EDEM3: variants seen among roughly 807,000 people sequenced by gnomAD.
EDEM3 encodes the protein ER degradation enhancing alpha-mannosidase like protein 3, also known as ER degradation-enhancing alpha-mannosidase-like protein 3.
In EDEM3, 60 loss-of-function variants were observed where a neutral mutation model predicts 110.2. The ratio of observed to expected loss-of-function variants is 0.54; its 90% CI spans 0.44 to 0.67. The LOEUF (loss-of-function observed/expected upper bound fraction) is 0.67. Among genes scored for constraint, EDEM3 ranks in the 30% least tolerant of loss-of-function variants. EDEM3 has a pLI of 0.00. For synonymous variants in EDEM3, 352 were observed against 382.9 expected, an observed-to-expected ratio of 0.92 and a Z score of 0.94; for missense variants, 996 against 1,121.0, an observed-to-expected ratio of 0.89 and a Z score of 1.59.
intron 19 of EDEM3, among the ~76,000 whole-genome samples, chr1:184,702,539 A>AT (rs970803278): frequency 6.6e-6 from 1 of 152,310 alleles, no homozygotes; most frequent in African/African-American, 2.4e-5. Context: ...AGTCTCTTGT[A>AT]TTTTTATCAC....
Position 184,694,350 on chromosome 1 carries a change from T to C in EDEM3, c.2512A>G (p.Asn838Asp), listed in dbSNP as rs750723792. Residue 838 changes from asparagine to aspartate, a missense_variant, in exon 20 of 20, where the codon AAT becomes GAT. Asn to Asp is a conservative substitution (Grantham distance 23, BLOSUM62 1). Around this residue, in one of 5 missense-constraint regions of EDEM3, gnomAD observed 345 missense variants for 402.0 expected, o/e 0.86. Transcript: ENST00000318130. Reference protein sequence around the residue: ...DLVDQESSEENSLNSHPESLS... With the variant: ...DLVDQESSEEDSLNSHPESLS... ...GATTCTGGGTGAGAATTTAGAGAAT[T>C]TTCCTCAGAAGACTCTTGATCAACC... 1.9e-6 allele frequency: 3 copies of C among 1,612,876 alleles called. No individual in the cohort carries two copies. Among genetic ancestry groups the C allele is most frequent in the Non-Finnish European group, 8.5e-7 (1 of 1,179,552 alleles).
Position 184,694,141 on chromosome 1 carries a change from G to C in EDEM3, c.2721C>G (p.Val907=), listed in dbSNP as rs769855874. 6.2e-7 allele frequency: 1 copy of C among 1,613,314 alleles called. No homozygotes were observed. The highest frequency in any genetic ancestry group is 8.5e-7 in the Non-Finnish European group (1 of 1,179,610). ...CTGCTAATATGGAGTCTATAGGCTGGACCTTTTTACCCCAGCTAACATTAG... is the reference window on the plus strand; with the variant it reads ...CTGCTAATATGGAGTCTATAGGCTGCACCTTTTTACCCCAGCTAACATTAG... ...SNPNVSWGKK[V]QPIDSILADW... is the part of the protein sequence containing the mutation. Residue 907 remains valine, a synonymous_variant, in exon 20 of 20, where the codon GTC becomes GTG. Coordinates refer to ENST00000318130, the MANE Select transcript of EDEM3 (RefSeq NM_025191.4).
intron 19 of EDEM3, among the ~76,000 whole-genome samples, chr1:184,698,934 AAGAT>A (rs762488334): frequency 4.6e-5 from 7 of 151,860 alleles, no homozygotes; most frequent in Non-Finnish European, 1.0e-4. Flanking sequence ...GAACTACAAA[AAGAT>A]AGAAGAGTTA....
intron 18 of EDEM3, among the ~76,000 whole-genome samples, chr1:184,706,189 C>A (rs1649914992): frequency 6.6e-6 from 1 of 152,100 alleles, no homozygotes; most frequent in African/African-American, 2.4e-5. Flanking sequence ...TGAAGCTAGG[C>A]CAAGGTTACA....
intron 16 of EDEM3, 97 bp from the exon 17 acceptor site, chr1:184,708,441 C>T (rs1242205571): frequency 2.4e-6 from 3 of 1,270,866 alleles, no homozygotes; most frequent in East Asian, 2.6e-5. Context: ...TTCTACTCTA[C>T]AACTTCTTCT....
intron 19 of EDEM3, 108 bp downstream of exon 19, chr1:184,702,703 T>C (rs1649687746): frequency 2.7e-6 from 2 of 740,054 alleles, no homozygotes; most frequent in South Asian, 8.4e-5. Flanking sequence ...GTTTTACTTG[T>C]TTTCACAGTG....
rs922153617 is a variant in EDEM3 at position 184,719,684 on chromosome 1, ATAAC to A, written c.952-120_952-117del. The A allele has an allele frequency of 5.2e-5, 50 of 954,116 alleles. No homozygotes were observed. In the African/African-American group the frequency reaches 7.0e-4, roughly 13 times the overall value. 59.1% of individuals were successfully genotyped at this position (954,116 alleles called of 1,614,324 possible). A position where few individuals can be genotyped will look rare whatever the true frequency, so the allele number is the denominator to read the frequency against. On this transcript the variant is annotated intron_variant, in intron 9 of 19. Coordinates refer to ENST00000318130, the MANE Select transcript of EDEM3 (RefSeq NM_025191.4). ...TAGAATTTATATATAAATTCACTAA[ATAAC>A]TACCAATTTATATAAATATTTAAGT...
At chr1:184,749,496 CATA>C (rs1237647750) in intron 2 of EDEM3, 48 bp downstream of exon 2, 1 of 1,336,110 alleles carries the variant, frequency 7.5e-7, no homozygotes, top group Non-Finnish European at 1.0e-6. Flanking sequence ...ACTGTGCTCA[CATA>C]ATAATCAACT....
At chr1:184,742,271 T>C (rs1479691433) in intron 2 of EDEM3, among the ~76,000 whole-genome samples, 3 of 152,236 alleles carry the variant, frequency 2.0e-5, no homozygotes, top group Admixed American at 2.0e-4. Context: ...TAATGATCCA[T>C]TCCTGGGTAG....
chr1:184,754,744 GGGCGGGATGCGGAGTAACAC>G lies in EDEM3; in HGVS notation c.-118_-99del. The G allele has an allele frequency of 4.2e-6, 6 of 1,416,906 alleles. No homozygotes were observed. The highest frequency in any genetic ancestry group is 4.6e-6 in the Non-Finnish European group (5 of 1,092,160). 87.8% of individuals were successfully genotyped at this position (1,416,906 alleles called of 1,614,324 possible). A position where few individuals can be genotyped will look rare whatever the true frequency, so the allele number is the denominator to read the frequency against. ...GGGGGCTGCTAGCCGTGCCGAGACGGGGCGGGATGCGGAGTAACACGGACGGCCGCCGGCGCCAAACTGTT... is the reference window on the plus strand; with the variant it reads ...GGGGGCTGCTAGCCGTGCCGAGACGGGGACGGCCGCCGGCGCCAAACTGTT... On this transcript the variant is annotated 5_prime_UTR_variant, in exon 1 of 20. Coordinates refer to ENST00000318130, the MANE Select transcript of EDEM3 (RefSeq NM_025191.4).
In EDEM3 at chr1:184,719,192, C is replaced by G. The variant is rs944940252; in HGVS notation, c.1131G>C (p.Gln377His). 2.0e-5 allele frequency: 32 copies of G among 1,568,910 alleles called. No individual in the cohort carries two copies. The highest frequency in any genetic ancestry group is 2.3e-5 in the Non-Finnish European group (27 of 1,162,112). The change falls in exon 11 of 20, where the codon CAG becomes CAC. Residue 377 changes from glutamine (Q) to histidine (H), a missense_variant. Physicochemically the swap from Gln to His is conservative, Grantham distance 24. Transcript: ENST00000318130. ...PAIETHEMLY[Q>H]VIKKHNFLPE... ...GTAGAAAATTGTGTTTTTTAATCAC[C>G]TGATATAACATTTCATGAGTTTCAA...
intron 7 of EDEM3, among the ~76,000 whole-genome samples, chr1:184,724,858 A>C (rs753224723): frequency 1.3e-5 from 2 of 152,204 alleles, no homozygotes; most frequent in Non-Finnish European, 2.9e-5. Context: ...TACAGGACAA[A>C]AAAATAATAT....
chr1:184,738,578 T>G (rs1347183515), intron 2 of EDEM3, among the ~76,000 whole-genome samples: 1 of 152,222 alleles, frequency 6.6e-6, no homozygotes, highest in Non-Finnish European at 1.5e-5. Flanking sequence ...TATGTGTAAC[T>G]AATTTTTGGT....
chr1:184,749,444 TA>T, intron 2 of EDEM3, 102 bp downstream of exon 2: 1 of 949,764 alleles, frequency 1.1e-6, no homozygotes, highest in Non-Finnish European at 1.5e-6. Flanking sequence ...AACTTCCTTT[TA>T]AAAAATGTAA....
At chr1:184,718,847 T>C (rs925171748) in intron 11 of EDEM3, among the ~76,000 whole-genome samples, 1 of 152,030 alleles carries the variant, frequency 6.6e-6, no homozygotes, top group African/African-American at 2.4e-5. Flanking sequence ...AGAGTTAGAA[T>C]GAGAGAATAT....
rs115549938 is a variant in EDEM3, at chr1:184,738,649, T to C, written c.205-938A>G. 2.8e-3 allele frequency among the ~76,000 whole-genome samples: 434 copies of C among 152,290 alleles called. 5 individuals carry two copies. In the East Asian group the frequency reaches 0.036, roughly 13 times the overall value. On this transcript the variant is annotated intron_variant, in intron 2 of 19. Transcript: ENST00000318130. ...ATTACATTCTCACTAACATAGGAAA[T>C]GATCAATAGTTCACATTTTGCCAAA...
At chr1:184,728,284 A>T (rs1651301634) in intron 6 of EDEM3, among the ~76,000 whole-genome samples, 1 of 152,244 alleles carries the variant, frequency 6.6e-6, no homozygotes, top group East Asian at 1.9e-4. Flanking sequence ...TGTGAATTTC[A>T]GAAAAGGAAA....
At chr1:184,720,615 T>C (rs1490673143) in intron 9 of EDEM3, 1 of 150,692 alleles carries the variant, frequency 6.6e-6, no homozygotes, top group African/African-American at 2.5e-5. Context: ...GTTCACGCCA[T>C]TCTCCTCCAT....
chr1:184,745,338 A>T (rs1224118310), intron 2 of EDEM3, among the ~76,000 whole-genome samples: 1 of 152,152 alleles, frequency 6.6e-6, no homozygotes, highest in Non-Finnish European at 1.5e-5. Flanking sequence ...AAAGGTAAAT[A>T]TAAATTTATA....
Sources: allele counts gnomAD v4.1 joint callset (sites outside exome capture counted in the v4.1 genomes callset), GRCh38; gene constraint gnomAD v4.1.1; regional missense constraint gnomAD v4.1.1; transcripts MANE v1.5; gene names NCBI Gene and HGNC (gene_info 2026-07-23, HGNC 2026-07-21).